CAMSAP2: variants seen among roughly 807,000 people sequenced by gnomAD.
CAMSAP2 encodes the protein calmodulin-regulated spectrin-associated protein 2.
Under a neutral mutation model 146.1 loss-of-function variants are expected in CAMSAP2, and 26 were observed. The observed-to-expected ratio is 0.18, with a 90% confidence interval of 0.13 to 0.25. The LOEUF (loss-of-function observed/expected upper bound fraction) is 0.25, where lower values mean the gene tolerates loss of function less well. CAMSAP2 is among the 10% of genes least tolerant of loss of function. CAMSAP2 has a pLI of 1.00. For synonymous variants in CAMSAP2, 499 were observed against 596.6 expected, an observed-to-expected ratio of 0.84 and a Z score of 2.38; for missense variants, 1,381 against 1,759.3, an observed-to-expected ratio of 0.78 and a Z score of 3.85.
intron 4 of CAMSAP2, among the ~76,000 whole-genome samples, chr1:200,823,736 C>T (rs1377308885): frequency 4.6e-5 from 7 of 152,178 alleles, no homozygotes; most frequent in African/African-American, 1.7e-4. Flanking sequence ...GTTTTCCCTT[C>T]TTATTTTTGG....
chr1:200,829,866 G>A (rs192189071), intron 4 of CAMSAP2, among the ~76,000 whole-genome samples: 428 of 152,208 alleles, frequency 2.8e-3, no homozygotes, highest in African/African-American at 9.4e-3. Flanking sequence ...GGTCGAGGCT[G>A]CAGTGAGCCA....
At chr1:200,764,470 T>C (rs1664886056) in intron 2 of CAMSAP2, among the ~76,000 whole-genome samples, 1 of 152,226 alleles carries the variant, frequency 6.6e-6, no homozygotes. Flanking sequence ...ATTGGAGAAA[T>C]AAATGGTAAC....
intron 3 of CAMSAP2, among the ~76,000 whole-genome samples, chr1:200,814,588 C>T (rs566493239): frequency 1.2e-3 from 144 of 116,682 alleles, no homozygotes; most frequent in African/African-American, 4.5e-3. Flanking sequence ...CCAGCCTGGG[C>T]GACAGTGTGA....
intron 2 of CAMSAP2, among the ~76,000 whole-genome samples, chr1:200,787,784 T>C (rs879814360): frequency 6.6e-6 from 1 of 152,208 alleles, no homozygotes; most frequent in African/African-American, 2.4e-5. Context: ...CAAGTTTTGT[T>C]GTCTCAAGAA....
Position 200,857,856 on chromosome 1 carries a change from A to G in CAMSAP2, c.4234A>G (p.Asn1412Asp), listed in dbSNP as rs1438368691. Reference sequence around the variant, plus strand: ...TTATTGCCCAGAAACTGAAGAAATCAATAAACTGACTGGGATAGGCCCTAA... The same window carrying G: ...TTATTGCCCAGAAACTGAAGAAATCGATAAACTGACTGGGATAGGCCCTAA... The part of the protein sequence containing the change: ...YTYCPETEEI[N>D]KLTGIGPKSI... The change falls in exon 17 of 17, where the codon AAT (asparagine) becomes GAT (aspartate). Residue 1412 changes from asparagine (N) to aspartate (D), a missense_variant. Physicochemically the swap from Asn to Asp is conservative, Grantham distance 23 (BLOSUM62 1). Around this residue, in one of 4 missense-constraint regions of CAMSAP2, gnomAD observed 90 missense variants for 174.4 expected, o/e 0.52. Coordinates refer to ENST00000358823, the MANE Select transcript of CAMSAP2 (RefSeq NM_203459.4). This position sits in a 1 kb window ranked among gnomAD's most constrained non-coding sequence, Gnocchi z 4.7. The G allele has an allele frequency of 6.2e-7, 1 of 1,613,884 alleles. No homozygotes were observed. The highest frequency in any genetic ancestry group is 1.7e-5 in the Admixed American group (1 of 60,014).
Position 200,849,910 on chromosome 1 carries a change from A to G in CAMSAP2, c.3141A>G (p.Lys1047=). ...TTAAAAAGGAGGAATTGGAATCCAA[A>G]GGGACTTTGGAACAGCGTGGACATA... ...EEVKKEELES[K]GTLEQRGHNP... The change falls in exon 11 of 17, where the codon AAA becomes AAG. Residue 1047 remains lysine (K), a synonymous_variant. Coordinates refer to ENST00000358823, the MANE Select transcript of CAMSAP2 (RefSeq NM_203459.4). This position sits in a 1 kb window ranked among gnomAD's most constrained non-coding sequence, Gnocchi z 6.3. 1.9e-6 allele frequency: 3 copies of G among 1,614,212 alleles called. No individual in the cohort carries two copies. Among genetic ancestry groups the G allele is most frequent in the Non-Finnish European group, 2.5e-6 (3 of 1,180,034 alleles).
At chr1:200,777,124 A>G (rs1571743029) in intron 2 of CAMSAP2, among the ~76,000 whole-genome samples, 2 of 152,318 alleles carry the variant, frequency 1.3e-5, no homozygotes, top group Non-Finnish European at 2.9e-5. Context: ...CACTGCAGCC[A>G]TATGGGAAGA....
At chr1:200,752,807 C>T (rs1049887280) in intron 1 of CAMSAP2, among the ~76,000 whole-genome samples, 2 of 151,760 alleles carry the variant, frequency 1.3e-5, no homozygotes, top group Admixed American at 6.6e-5. Context: ...ATAGTAGAGA[C>T]GGGGTTTTGC....
At chr1:200,766,919 A>G (rs920938589) in intron 2 of CAMSAP2, among the ~76,000 whole-genome samples, 2 of 152,178 alleles carry the variant, frequency 1.3e-5, no homozygotes, top group Non-Finnish European at 2.9e-5. Flanking sequence ...ATTAAAGGTT[A>G]TGTTAATTCC....
intron 2 of CAMSAP2, 52 bp from the exon 3 acceptor site, chr1:200,807,324 G>A (rs1264161778): frequency 3.7e-6 from 5 of 1,355,904 alleles, no homozygotes; most frequent in Admixed American, 5.2e-5. Flanking sequence ...TATGTAAAAA[G>A]CAATTTCTAA....
chr1:200,746,582 A>C (rs1664331642), intron 1 of CAMSAP2, among the ~76,000 whole-genome samples: 2 of 152,074 alleles, frequency 1.3e-5, no homozygotes, highest in Admixed American at 6.6e-5. Context: ...AGTGGTAATT[A>C]AAATTTAAAA....
intron 4 of CAMSAP2, among the ~76,000 whole-genome samples, chr1:200,820,022 A>G (rs1475698677): frequency 1.3e-5 from 2 of 152,104 alleles, no homozygotes; most frequent in African/African-American, 4.8e-5. Flanking sequence ...GTATTCTAAT[A>G]CTAACTATAT....
chr1:200,783,661 A>T (rs934353265), intron 2 of CAMSAP2, among the ~76,000 whole-genome samples: 28 of 151,186 alleles, frequency 1.9e-4, no homozygotes, highest in South Asian at 8.4e-4. Context: ...TAAAAAAAAA[A>T]TTTTTTTTTG....
intron 11 of CAMSAP2, among the ~76,000 whole-genome samples, chr1:200,850,777 T>C (rs1220032720): frequency 6.6e-6 from 1 of 152,242 alleles, no homozygotes; most frequent in African/African-American, 2.4e-5. Context: ...TACAGCTTCT[T>C]GACTGGGCTG....
intron 1 of CAMSAP2, among the ~76,000 whole-genome samples, chr1:200,755,334 G>A (rs746770293): frequency 1.4e-4 from 21 of 152,216 alleles, no homozygotes; most frequent in Non-Finnish European, 2.2e-4. Flanking sequence ...GAAGCATCAT[G>A]TATTTATAAT....
intron 9 of CAMSAP2, 117 bp downstream of exon 9, chr1:200,847,409 GTTTTT>G: frequency 1.3e-6 from 1 of 740,890 alleles, no homozygotes; most frequent in Non-Finnish European, 2.1e-6. Context: ...GTGTGTGTGT[GTTTTT>G]TTGTTTGTTT....
chr1:200,794,134 G>T (rs1423343344), intron 2 of CAMSAP2, among the ~76,000 whole-genome samples: 1 of 152,096 alleles, frequency 6.6e-6, no homozygotes, highest in East Asian at 1.9e-4. Context: ...ACTGATTTCT[G>T]TGGAAAAAAT....
At chr1:200,820,375 A>G (rs1027198619) in intron 4 of CAMSAP2, among the ~76,000 whole-genome samples, 1 of 152,160 alleles carries the variant, frequency 6.6e-6, no homozygotes, top group African/African-American at 2.4e-5. Context: ...AAAGTATTAA[A>G]GATACATGTT....
chr1:200,822,139 TACAC>T (rs150135269), intron 4 of CAMSAP2, among the ~76,000 whole-genome samples: 22,455 of 146,198 alleles, frequency 0.15, 1,773 homozygotes, highest in Middle Eastern at 0.18. Flanking sequence ...TCTCTCGCTC[TACAC>T]ACACACACAC....
Sources: allele counts gnomAD v4.1 joint callset (sites outside exome capture counted in the v4.1 genomes callset), GRCh38; gene constraint gnomAD v4.1.1; regional missense constraint gnomAD v4.1.1; non-coding constraint Gnocchi (gnomAD v3.1); transcripts MANE v1.5; gene names NCBI Gene and HGNC (gene_info 2026-07-23, HGNC 2026-07-21).